Variants in DGKB observed in about 807,000 individuals in gnomAD.
DGKB encodes diacylglycerol kinase beta.
DGKB carries 67 observed loss-of-function variants against 114.3 expected under a neutral mutation model. That is an observed-to-expected ratio of 0.59 (90% confidence interval 0.48 to 0.72). The LOEUF (loss-of-function observed/expected upper bound fraction) is 0.72. DGKB is among the 30% of genes least tolerant of loss of function. The probability of loss-of-function intolerance (pLI) is 0.00; values close to 1 mark genes in which losing one functional copy is unlikely to be tolerated. For missense variants in DGKB, 907 were observed against 975.2 expected (o/e 0.93, Z 0.93); for synonymous variants, 398 against 323.1 (o/e 1.23, Z -2.49).
Position 14,672,911 on chromosome 7 carries a change from T to C in DGKB, c.1134+18A>G. On this transcript the variant is annotated intron_variant, in intron 13 of 25. Transcript: ENST00000402815. ...ACAGCAATCCTAAGTTATAGTAGAATGATAAGGAAAAACTCACCAGTACCA... is the reference window on the plus strand; with the variant it reads ...ACAGCAATCCTAAGTTATAGTAGAACGATAAGGAAAAACTCACCAGTACCA... 1 of 1,441,662 alleles carries C rather than the reference T, an allele frequency of 6.9e-7. No homozygotes were observed. Among genetic ancestry groups the C allele is most frequent in the Non-Finnish European group, 9.6e-7 (1 of 1,046,600 alleles). 89.3% of individuals were successfully genotyped at this position (1,441,662 alleles called of 1,614,324 possible). A position where few individuals can be genotyped will look rare whatever the true frequency, so the allele number is the denominator to read the frequency against.
intron 2 of DGKB, chr7:14,814,173 G>T (rs1209636715): frequency 1.3e-5 from 2 of 152,124 alleles, no homozygotes; most frequent in African/African-American, 4.8e-5. Context: ...TATTTAATGG[G>T]ATATAAAAGG....
intron 23 of DGKB, among the ~76,000 whole-genome samples, chr7:14,244,261 T>A (rs1158821526): frequency 3.3e-5 from 5 of 152,254 alleles, no homozygotes. Flanking sequence ...TCTCAAAATT[T>A]ATTCTTTCAT....
Position 14,700,214 on chromosome 7 carries a change from T to A in DGKB, c.516+1467A>T, listed in dbSNP as rs925709267. Among the ~76,000 whole-genome samples the A allele has an allele frequency of 1.9e-3, 92 of 48,278 alleles. 1 individual carries two copies. The East Asian group carries it at 0.16, about 85-fold the overall frequency. The allele number at this position is 48,278 out of a possible 152,430, so 31.7% of individuals were successfully genotyped here. A position where few individuals can be genotyped will look rare whatever the true frequency, so the allele number is the denominator to read the frequency against. Reference sequence around the variant, plus strand: ...AAAATAATAGCATTTGAAAAAAAATTTTTTTTTTTTTTTTTTTGAGATGGA... The same window carrying A: ...AAAATAATAGCATTTGAAAAAAAATATTTTTTTTTTTTTTTTTGAGATGGA... On this transcript the variant is annotated intron_variant, in intron 7 of 25. Transcript: ENST00000402815.
chr7:14,797,475 G>A (rs975432), intron 2 of DGKB, among the ~76,000 whole-genome samples: 64,354 of 151,902 alleles, frequency 0.42, 15,966 homozygotes, highest in African/African-American at 0.69. Context: ...CAAATATAAG[G>A]ATAACTGAAA....
At chr7:14,604,805 G>T in intron 17 of DGKB, among the ~76,000 whole-genome samples, 1 of 152,142 alleles carries the variant, frequency 6.6e-6, no homozygotes, top group Admixed American at 6.6e-5. Flanking sequence ...TCATAGCCTG[G>T]CCAGAGTCCC....
intron 20 of DGKB, among the ~76,000 whole-genome samples, chr7:14,561,633 G>A (rs1796673913): frequency 6.6e-6 from 1 of 152,176 alleles, no homozygotes; most frequent in Admixed American, 6.5e-5. Flanking sequence ...TTGGGAACTG[G>A]AGCAATGGTA....
intron 20 of DGKB, among the ~76,000 whole-genome samples, chr7:14,567,544 A>G (rs1223759273): frequency 9.8e-6 from 1 of 101,578 alleles, no homozygotes; most frequent in African/African-American, 3.8e-5. Flanking sequence ...ATATAATTAT[A>G]TATAATTATA....
intron 21 of DGKB, among the ~76,000 whole-genome samples, chr7:14,376,923 A>G (rs991479301): frequency 6.6e-6 from 1 of 152,222 alleles, no homozygotes; most frequent in Non-Finnish European, 1.5e-5. Context: ...TTTGAGTTTC[A>G]GTCCCTAAAG....
At chr7:14,386,013 G>C (rs1820281593) in intron 21 of DGKB, among the ~76,000 whole-genome samples, 1 of 152,220 alleles carries the variant, frequency 6.6e-6, no homozygotes, top group Non-Finnish European at 1.5e-5. Flanking sequence ...AACCATCGTA[G>C]AGCCTTTAAA....
In DGKB at chr7:14,518,214, G is replaced by C. The variant is rs189402035; in HGVS notation, c.1771-39989C>G. On this transcript the variant is annotated intron_variant, in intron 20 of 25. Coordinates refer to ENST00000402815, the MANE Select transcript of DGKB (RefSeq NM_001350709.2). ...TCCTCAGCAAACTAACACATGACCAGAAAACAAAATAATGCTTGTTTTCAC... is the reference window on the plus strand; with the variant it reads ...TCCTCAGCAAACTAACACATGACCACAAAACAAAATAATGCTTGTTTTCAC... Among the ~76,000 whole-genome samples, 16 of 152,164 alleles carry C rather than the reference G, an allele frequency of 1.1e-4. No individual in the cohort carries two copies. The East Asian group carries it at 2.7e-3, about 26-fold the overall frequency.
intron 1 of DGKB, among the ~76,000 whole-genome samples, chr7:14,896,552 TTC>T (rs1782131732): frequency 6.6e-6 from 1 of 151,684 alleles, no homozygotes; most frequent in African/African-American, 2.4e-5. Flanking sequence ...CTGATACTTT[TTC>T]TCTGAGACAA....
intron 20 of DGKB, among the ~76,000 whole-genome samples, chr7:14,527,010 T>C (rs1286783187): frequency 6.6e-6 from 1 of 152,202 alleles, no homozygotes; most frequent in East Asian, 1.9e-4. Context: ...CTCTATTTTA[T>C]GCTAAATATC....
intron 5 of DGKB, among the ~76,000 whole-genome samples, chr7:14,734,614 G>C (rs1000554586): frequency 6.6e-6 from 1 of 152,166 alleles, no homozygotes; most frequent in African/African-American, 2.4e-5. Context: ...AGGCATTAAA[G>C]AGATTTGCAA....
chr7:14,475,836 A>G (rs748690434), intron 21 of DGKB, among the ~76,000 whole-genome samples: 60 of 152,146 alleles, frequency 3.9e-4, no homozygotes, highest in Non-Finnish European at 7.1e-4. Flanking sequence ...TATTAGTAAT[A>G]AAAGATTAAA....
chr7:14,469,184 A>C (rs1292611030), intron 21 of DGKB, among the ~76,000 whole-genome samples: 2 of 151,986 alleles, frequency 1.3e-5, no homozygotes, highest in African/African-American at 4.8e-5. Context: ...CTTCTGTGGA[A>C]TTTACGATTA....
At chr7:14,592,959 T>C (rs566838773) in intron 17 of DGKB, among the ~76,000 whole-genome samples, 1 of 152,010 alleles carries the variant, frequency 6.6e-6, no homozygotes, top group Non-Finnish European at 1.5e-5. Context: ...AGATATTGTG[T>C]GGAAGCTGAA....
chr7:14,584,787 T>C (rs1800490390), intron 17 of DGKB, among the ~76,000 whole-genome samples: 1 of 151,768 alleles, frequency 6.6e-6, no homozygotes, highest in African/African-American at 2.4e-5. Context: ...GCCTCCCAAG[T>C]AAGCTGGGAT....
intron 4 of DGKB, among the ~76,000 whole-genome samples, chr7:14,745,711 T>G (rs936935745): frequency 1.3e-5 from 2 of 152,228 alleles, no homozygotes; most frequent in African/African-American, 2.4e-5. Flanking sequence ...GTATTCAATT[T>G]GTGAGGTGAA....
At position 14,673,037 on chromosome 7, in the gene DGKB, C is replaced by A; in HGVS notation, c.1036-10G>T. On this transcript the variant is annotated splice_polypyrimidine_tract_variant and intron_variant, in intron 12 of 25. Coordinates refer to ENST00000402815, the MANE Select transcript of DGKB (RefSeq NM_001350709.2). ...CACATTTATTATGCAGCTAGAAAAA[C>A]AGAAAGGGGGATAGTATCAAATTCT... The A allele has an allele frequency of 6.6e-7, 1 of 1,512,860 alleles. No homozygotes were observed. Among genetic ancestry groups the A allele is most frequent in the African/African-American group, 1.4e-5 (1 of 72,682 alleles). The allele number at this position is 1,512,860 out of a possible 1,614,324, so 93.7% of individuals were successfully genotyped here.
Sources: allele counts gnomAD v4.1 joint callset (sites outside exome capture counted in the v4.1 genomes callset), GRCh38; gene constraint gnomAD v4.1.1; transcripts MANE v1.5; gene names NCBI Gene and HGNC (gene_info 2026-07-23, HGNC 2026-07-21).